The following MACROD2 variants were observed in gnomAD, a reference collection of about 807,000 sequenced individuals.
MACROD2 encodes the protein mono-ADP ribosylhydrolase 2.
A neutral mutation model predicts 70.4 loss-of-function variants in MACROD2; 36 were observed. The ratio of observed to expected loss-of-function variants is 0.51; its 90% CI spans 0.39 to 0.68. The LOEUF (loss-of-function observed/expected upper bound fraction) is 0.68. Among genes scored for constraint, MACROD2 ranks in the 30% least tolerant of loss-of-function variants. MACROD2 has a pLI of 0.00. For synonymous variants in MACROD2, 172 were observed against 178.8 expected, an observed-to-expected ratio of 0.96 and a Z score of 0.30; for missense variants, 496 against 538.4, an observed-to-expected ratio of 0.92 and a Z score of 0.78.
At chr20:14,757,833 C>A in intron 5 of MACROD2, 1 of 1,524,946 alleles carries the variant, frequency 6.6e-7, no homozygotes, top group South Asian at 1.1e-5. Flanking sequence ...ATTGTGCCTG[C>A]CACTCTATGC....
intron 9 of MACROD2, among the ~76,000 whole-genome samples, chr20:15,879,327 C>CT (rs1370121880): frequency 2.0e-5 from 3 of 151,944 alleles, no homozygotes; most frequent in East Asian, 1.9e-4. Flanking sequence ...AGACTATCAC[C>CT]TTTTTTTAAT....
At chr20:14,964,024 T>A (rs1031191463) in intron 5 of MACROD2, among the ~76,000 whole-genome samples, 1 of 152,164 alleles carries the variant, frequency 6.6e-6, no homozygotes, top group East Asian at 1.9e-4. Context: ...GAGATGGAAA[T>A]GCAGCAGAAA....
intron 10 of MACROD2, among the ~76,000 whole-genome samples, chr20:15,915,886 A>G (rs936518172): frequency 5.3e-5 from 8 of 152,188 alleles, no homozygotes; most frequent in African/African-American, 1.9e-4. Flanking sequence ...TGTAGGCAAT[A>G]TTAGGGTTTC....
At chr20:14,572,447 A>T (rs116140017) in intron 4 of MACROD2, among the ~76,000 whole-genome samples, 2,590 of 152,162 alleles carry the variant, frequency 0.017, 75 homozygotes, top group African/African-American at 0.059. Flanking sequence ...CTCAAGAAAA[A>T]TATGTGAAAT....
intron 3 of MACROD2, among the ~76,000 whole-genome samples, chr20:14,467,024 A>C (rs914311459): frequency 6.6e-6 from 1 of 152,108 alleles, no homozygotes; most frequent in Non-Finnish European, 1.5e-5. Flanking sequence ...TCAGATCTCA[A>C]ACTGAGTGCT....
rs2047342408 is a variant in MACROD2, at chr20:15,499,793, T to G, written c.591T>G (p.Ala197=). 3.0e-5 allele frequency: 49 copies of G among 1,613,908 alleles called. No individual in the cohort carries two copies. Among genetic ancestry groups the G allele is most frequent in the Non-Finnish European group, 4.2e-5 (49 of 1,179,788 alleles). Residue 197 remains alanine, a synonymous_variant, in exon 8 of 18, where the codon GCT becomes GCG. Coordinates refer to ENST00000684519, the MANE Select transcript of MACROD2 (RefSeq NM_001351661.2). ...ATCTAGGCTTTCCCAACGAGCCTGC[T>G]GCAGTCATTGCCCTCAACACCATTA... The part of the protein sequence containing the change: ...TGIYGFPNEP[A]AVIALNTIKE...
At chr20:15,639,305 A>G (rs2049417631) in intron 8 of MACROD2, among the ~76,000 whole-genome samples, 1 of 152,202 alleles carries the variant, frequency 6.6e-6, no homozygotes, top group East Asian at 1.9e-4. Flanking sequence ...CAGATTGAAG[A>G]ATTCATAATC....
intron 3 of MACROD2, among the ~76,000 whole-genome samples, chr20:14,258,487 A>T (rs2082075733): frequency 6.6e-6 from 1 of 152,074 alleles, no homozygotes; most frequent in Non-Finnish European, 1.5e-5. Flanking sequence ...GCATATTTTC[A>T]TATGTTTTTT....
intron 2 of MACROD2, among the ~76,000 whole-genome samples, chr20:14,070,828 C>T (rs2053827764): frequency 6.6e-6 from 1 of 152,064 alleles, no homozygotes; most frequent in South Asian, 2.1e-4. Flanking sequence ...TTGGAGTATT[C>T]CCAGGCATTT....
At chr20:14,688,865 C>T (rs927709019) in intron 5 of MACROD2, among the ~76,000 whole-genome samples, 8 of 152,086 alleles carry the variant, frequency 5.3e-5, no homozygotes, top group African/African-American at 9.7e-5. Context: ...AAGGATCAGA[C>T]GAGTGAATTA....
chr20:15,715,030 A>C (rs900679645), intron 8 of MACROD2, among the ~76,000 whole-genome samples: 3 of 152,146 alleles, frequency 2.0e-5, no homozygotes, highest in Admixed American at 2.0e-4. Context: ...ACATTGTTAC[A>C]TTGTTACAGG....
At position 14,682,401 on chromosome 20, in the gene MACROD2, A is replaced by G. The variant is rs369054364; in HGVS notation, c.302-2442A>G. Among the ~76,000 whole-genome samples, 5 of 151,658 alleles carry G rather than the reference A, an allele frequency of 3.3e-5. No homozygotes were observed. In the East Asian group the frequency reaches 9.7e-4, roughly 29 times the overall value. On this transcript the variant is annotated intron_variant, in intron 4 of 17. Transcript: ENST00000684519. Reference sequence around the variant, plus strand: ...ACCAACTGCTGCATATATTTTCAGTACATATATATATGTGTGTGTGCTGAA... The same window carrying G: ...ACCAACTGCTGCATATATTTTCAGTGCATATATATATGTGTGTGTGCTGAA...
chr20:15,072,348 C>T (rs1240426807), intron 5 of MACROD2, among the ~76,000 whole-genome samples: 1 of 152,032 alleles, frequency 6.6e-6, no homozygotes, highest in Non-Finnish European at 1.5e-5. Flanking sequence ...TATGGTTAAT[C>T]CATTTAAAGA....
At chr20:14,147,620 C>T (rs1349645754) in intron 3 of MACROD2, among the ~76,000 whole-genome samples, 1 of 152,134 alleles carries the variant, frequency 6.6e-6, no homozygotes, top group Non-Finnish European at 1.5e-5. Flanking sequence ...TATGTTATTT[C>T]TTTTTGGCAT....
intron 5 of MACROD2, among the ~76,000 whole-genome samples, chr20:15,197,324 G>GTA (rs200913834): frequency 1.3e-3 from 192 of 151,286 alleles, no homozygotes; most frequent in East Asian, 3.9e-3. Flanking sequence ...AATTAAAATA[G>GTA]TATATATATA....
chr20:15,924,555 A>G (rs1386415586), intron 10 of MACROD2, among the ~76,000 whole-genome samples: 1 of 152,184 alleles, frequency 6.6e-6, no homozygotes, highest in East Asian at 1.9e-4. Context: ...CACTTTGTGC[A>G]GGCAGACACA....
intron 6 of MACROD2, among the ~76,000 whole-genome samples, chr20:15,234,009 A>ATTT (rs1342277075): frequency 3.3e-4 from 13 of 39,982 alleles, no homozygotes; most frequent in Non-Finnish European, 5.2e-4. Flanking sequence ...ATATATATAT[A>ATTT]TTCTTTTTTT....
intron 2 of MACROD2, among the ~76,000 whole-genome samples, chr20:14,071,724 C>G (rs2053845941): frequency 1.3e-5 from 2 of 152,132 alleles, no homozygotes; most frequent in African/African-American, 4.8e-5. Context: ...TCTAATGTGG[C>G]TTATTGATGC....
At chr20:14,720,619 T>C (rs1600585317) in intron 5 of MACROD2, among the ~76,000 whole-genome samples, 1 of 135,700 alleles carries the variant, frequency 7.4e-6, no homozygotes, top group Admixed American at 8.4e-5. Context: ...TGTGGCGCCA[T>C]CTCGGCTCAC....
Sources: allele counts gnomAD v4.1 joint callset (sites outside exome capture counted in the v4.1 genomes callset), GRCh38; gene constraint gnomAD v4.1.1; transcripts MANE v1.5; gene names NCBI Gene and HGNC (gene_info 2026-07-23, HGNC 2026-07-21).